Variants in SMN1 observed in about 807,000 individuals in gnomAD.
The protein encoded by SMN1 is survival motor neuron protein.
For missense variants in SMN1, 15 were observed against 17.1 expected (o/e 0.88, Z 0.22); for synonymous variants, 3 against 5.1 (o/e 0.58, Z 0.56).
At chr5:70,943,868 A>C (rs1161318255) in intron 5 of SMN1, among the ~76,000 whole-genome samples, 27 of 139,772 alleles carry the variant, frequency 1.9e-4, no homozygotes, top group African/African-American at 6.2e-4. Flanking sequence ...AGCTCACTGC[A>C]ACTTCCACCT....
downstream of SMN1, among the ~76,000 whole-genome samples, chr5:70,955,080 G>T (rs539933002): frequency 1.4e-5 from 2 of 143,102 alleles, no homozygotes; most frequent in Non-Finnish European, 3.0e-5. Flanking sequence ...AGGCATGGTG[G>T]TGCATGCCTG....
downstream of SMN1, among the ~76,000 whole-genome samples, chr5:70,955,664 A>G (rs212207): frequency 2.5e-4 from 36 of 145,690 alleles, no homozygotes; most frequent in African/African-American, 4.1e-4. Context: ...GGGCGCCTGT[A>G]ATCCCAGCTA....
the SMN1 span, among the ~76,000 whole-genome samples, chr5:70,959,296 A>T: frequency 6.7e-6 from 1 of 150,340 alleles, no homozygotes; most frequent in East Asian, 2.0e-4. Context: ...TAGGAGATAT[A>T]TCTAATGCTA....
chr5:70,950,219 A>T (rs2112822592), intron 7 of SMN1, among the ~76,000 whole-genome samples: 1 of 149,216 alleles, frequency 6.7e-6, no homozygotes, highest in East Asian at 2.0e-4. Flanking sequence ...GGAGTTCCAG[A>T]TCAGCCTGAC....
At chr5:70,955,683 G>A (rs1344369827), downstream of SMN1, among the ~76,000 whole-genome samples, 6 of 147,778 alleles carry the variant, frequency 4.1e-5, no homozygotes. Flanking sequence ...TACTGGAGAG[G>A]CTGAAGCATG....
At chr5:70,943,733 T>C (rs1213945018) in intron 5 of SMN1, among the ~76,000 whole-genome samples, 5 of 135,560 alleles carry the variant, frequency 3.7e-5, no homozygotes, top group Admixed American at 3.1e-4. Context: ...GCTTGTCCCT[T>C]TCTAGTTCTT....
chr5:70,960,722 G>T, the SMN1 span, among the ~76,000 whole-genome samples: 1 of 141,198 alleles, frequency 7.1e-6, no homozygotes, highest in Non-Finnish European at 1.6e-5. Flanking sequence ...TTGAGATGGA[G>T]TCTCACTCTG....
At chr5:70,950,353 G>T (rs1470727546) in intron 7 of SMN1, among the ~76,000 whole-genome samples, 1 of 147,844 alleles carries the variant, frequency 6.8e-6, no homozygotes, top group African/African-American at 2.5e-5. Context: ...GAAGGCGGAG[G>T]TTGCGGTGAG....
the SMN1 span, among the ~76,000 whole-genome samples, chr5:70,960,448 T>C: frequency 0.82 from 118,903 of 145,426 alleles, 50,356 homozygotes; most frequent in African/African-American, 0.95. Flanking sequence ...AGCTTTCTTA[T>C]TATAAACAAG....
At chr5:70,960,111 AT>A in the SMN1 span, among the ~76,000 whole-genome samples, 1 of 150,398 alleles carries the variant, frequency 6.6e-6, no homozygotes, top group Non-Finnish European at 1.5e-5. Context: ...ATATTTGTAC[AT>A]TTTTATTTTA....
chr5:70,959,586 G>A, the SMN1 span, among the ~76,000 whole-genome samples: 1 of 82,602 alleles, frequency 1.2e-5, no homozygotes, highest in Middle Eastern at 4.5e-3. Flanking sequence ...AGCATCTTTA[G>A]GATTAAGTAT....
chr5:70,955,181 C>T (rs1271704006), downstream of SMN1, among the ~76,000 whole-genome samples: 2 of 146,044 alleles, frequency 1.4e-5, no homozygotes, highest in Admixed American at 6.9e-5. Context: ...CACCATTGCA[C>T]TTCAGCCTGG....
chr5:70,955,057 G>C, downstream of SMN1, among the ~76,000 whole-genome samples: 1 of 140,790 alleles, frequency 7.1e-6, no homozygotes, highest in East Asian at 2.1e-4. Flanking sequence ...TACAAAAAAT[G>C]AAAGAATTAG....
downstream of SMN1, among the ~76,000 whole-genome samples, chr5:70,957,583 T>G (rs2112842656): frequency 6.9e-6 from 1 of 145,820 alleles, no homozygotes; most frequent in South Asian, 2.3e-4. Context: ...ATCATGTGGT[T>G]TTTGTCTTTG....
At chr5:70,960,745 G>A in the SMN1 span, among the ~76,000 whole-genome samples, 1 of 145,096 alleles carries the variant, frequency 6.9e-6, no homozygotes, top group Non-Finnish European at 1.5e-5. Context: ...ACCCAGGCTG[G>A]AGTGCAATGG....
downstream of SMN1, among the ~76,000 whole-genome samples, chr5:70,955,478 T>C (rs1260984432): frequency 7.0e-6 from 1 of 142,696 alleles, no homozygotes. Flanking sequence ...TTGTGAATTT[T>C]TAAAAAACAT....
At chr5:70,955,251 CAA>C (rs1315484961), downstream of SMN1, among the ~76,000 whole-genome samples, 901 of 141,814 alleles carry the variant, frequency 6.4e-3, 30 homozygotes, top group Admixed American at 0.059. Flanking sequence ...AAACAAAAAA[CAA>C]GAGCAACTCT....
chr5:70,955,244 C>T (rs1405608071), downstream of SMN1, among the ~76,000 whole-genome samples: 21 of 140,940 alleles, frequency 1.5e-4, no homozygotes, highest in African/African-American at 5.4e-4. Flanking sequence ...AAGCAACAAA[C>T]AAAAAACAAG....
downstream of SMN1, chr5:70,953,460 CTATT>C (rs1258461249): frequency 2.5e-5 from 1 of 39,614 alleles, no homozygotes; most frequent in Non-Finnish European, 6.8e-5. Context: ...CACGGCCTCT[CTATT>C]TATTTCTATA....
Sources: allele counts gnomAD v4.1 joint callset (sites outside exome capture counted in the v4.1 genomes callset), GRCh38; gene constraint gnomAD v4.1.1; transcripts MANE v1.5; gene names NCBI Gene and HGNC (gene_info 2026-07-23, HGNC 2026-07-21).